FAM227B: variants seen among roughly 807,000 people sequenced by gnomAD.
FAM227B encodes protein FAM227B.
In FAM227B, 88 loss-of-function variants were observed where a neutral mutation model predicts 73.8. The observed-to-expected ratio is 1.19, with a 90% CI of 1.00 to 1.42. FAM227B has a LOEUF of 1.42. Among genes scored for constraint, FAM227B ranks in the 40% most tolerant of loss-of-function variants. The probability of loss-of-function intolerance (pLI) is 0.00; values close to 1 mark genes in which losing one functional copy is unlikely to be tolerated. For missense variants in FAM227B, 632 were observed against 590.9 expected (o/e 1.07, Z -0.72); for synonymous variants, 210 against 190.5 (o/e 1.10, Z -0.84).
intron 3 of FAM227B, among the ~76,000 whole-genome samples, chr15:49,605,816 GC>G (rs2077484568): frequency 6.6e-6 from 1 of 152,098 alleles, no homozygotes; most frequent in Admixed American, 6.6e-5. Flanking sequence ...AATCCAAGGG[GC>G]TGGCATGGAG....
intron 11 of FAM227B, chr15:49,485,826 C>T: frequency 6.6e-6 from 1 of 152,018 alleles, no homozygotes; most frequent in Middle Eastern, 3.4e-3. Context: ...TATTTTAAAA[C>T]TATGTATATT....
intron 11 of FAM227B, among the ~76,000 whole-genome samples, chr15:49,418,093 G>T (rs556525870): frequency 6.6e-6 from 1 of 152,250 alleles, no homozygotes; most frequent in South Asian, 2.1e-4. Context: ...TTAGAGAAAT[G>T]CAAATAAAAA....
intron 9 of FAM227B, among the ~76,000 whole-genome samples, chr15:49,561,324 T>C (rs1002851834): frequency 6.6e-6 from 1 of 152,198 alleles, no homozygotes; most frequent in African/African-American, 2.4e-5. Flanking sequence ...GCCTTAACTT[T>C]CTTAAATATA....
At chr15:49,610,884 G>A (rs2153330775) in intron 3 of FAM227B, among the ~76,000 whole-genome samples, 1 of 152,164 alleles carries the variant, frequency 6.6e-6, no homozygotes, top group East Asian at 1.9e-4. Context: ...CAGGTGTGGT[G>A]CATAAATAAA....
chr15:49,487,143 A>G lies in FAM227B; in HGVS notation c.1012+21068T>C, dbSNP rs933434382. 3.9e-4 allele frequency: 60 copies of G among 152,036 alleles called. 2 individuals are homozygous for G. Among genetic ancestry groups the G allele is most frequent in the Admixed American group, 2.8e-3 (42 of 15,244 alleles). 9.4% of individuals were successfully genotyped at this position (152,036 alleles called of 1,614,324 possible). A position where few individuals can be genotyped will look rare whatever the true frequency, so the allele number is the denominator to read the frequency against. On this transcript the variant is annotated intron_variant, in intron 11 of 15. Transcript: ENST00000299338. ...CAATGCACTTCATACACAATGACTA[A>G]TCTATACTGTGATGATTTGACTCAA...
At chr15:49,344,334 A>AACAT (rs1010966160) in intron 13 of FAM227B, 27 of 152,340 alleles carry the variant, frequency 1.8e-4, no homozygotes, top group African/African-American at 6.3e-4. Flanking sequence ...TTCTTTACCC[A>AACAT]ACATACTATC....
At chr15:49,415,315 C>A (rs536087901) in intron 11 of FAM227B, among the ~76,000 whole-genome samples, 1 of 152,198 alleles carries the variant, frequency 6.6e-6, no homozygotes, top group African/African-American at 2.4e-5. Flanking sequence ...GTCATGATGT[C>A]CTTCTAGGGA....
intron 4 of FAM227B, among the ~76,000 whole-genome samples, chr15:49,588,585 AT>A (rs1270662725): frequency 2.4e-5 from 3 of 125,474 alleles, no homozygotes; most frequent in African/African-American, 6.0e-5. Flanking sequence ...ATATATATAT[AT>A]ATATATATAT....
intron 9 of FAM227B, among the ~76,000 whole-genome samples, chr15:49,551,258 A>C (rs990307848): frequency 6.1e-4 from 45 of 73,574 alleles, no homozygotes; most frequent in Non-Finnish European, 9.8e-4. Flanking sequence ...GCTCAGCATG[A>C]GGGAGAGGGA....
Position 49,450,450 on chromosome 15 carries a change from C to A in FAM227B, c.1012+57761G>T, listed in dbSNP as rs143470122. Among the ~76,000 whole-genome samples the A allele has an allele frequency of 2.8e-3, 427 of 152,050 alleles. 1 individual carries two copies. Among genetic ancestry groups the A allele is most frequent in the Non-Finnish European group, 3.7e-3 (254 of 67,982 alleles). The stretch of plus-strand genomic sequence containing the variant: ...CATCCTGAATGCCATTTTTTAAGCC[C>A]CTCCTCTTAGCCAGCTACACCATTA... On this transcript the variant is annotated intron_variant, in intron 11 of 15. Coordinates refer to ENST00000299338, the MANE Select transcript of FAM227B (RefSeq NM_152647.3).
chr15:49,588,557 A>C (rs1404714360), intron 4 of FAM227B, among the ~76,000 whole-genome samples: 6 of 20,484 alleles, frequency 2.9e-4, no homozygotes, highest in Non-Finnish European at 2.9e-4. Context: ...CTATATATAT[A>C]TATATATATA....
intron 11 of FAM227B, among the ~76,000 whole-genome samples, chr15:49,450,875 T>C (rs2052656129): frequency 6.6e-6 from 1 of 152,162 alleles, no homozygotes; most frequent in South Asian, 2.1e-4. Flanking sequence ...CTTTTCCACA[T>C]GTGGGCTGAA....
At chr15:49,353,195 T>C (rs1296136367) in intron 13 of FAM227B, among the ~76,000 whole-genome samples, 3 of 152,114 alleles carry the variant, frequency 2.0e-5, no homozygotes, top group African/African-American at 7.2e-5. Flanking sequence ...ATTTATTTAG[T>C]CCAATTCATC....
chr15:49,339,517 C>T (rs927823434), intron 13 of FAM227B, among the ~76,000 whole-genome samples: 4 of 152,136 alleles, frequency 2.6e-5, no homozygotes, highest in Admixed American at 1.3e-4. Context: ...GAGGGGCACC[C>T]GCCAGATGCC....
At chr15:49,540,730 C>T (rs1207524639) in intron 10 of FAM227B, among the ~76,000 whole-genome samples, 1 of 152,194 alleles carries the variant, frequency 6.6e-6, no homozygotes, top group Non-Finnish European at 1.5e-5. Context: ...GGGGAAGATA[C>T]AATTCAGTTC....
chr15:49,407,635 A>AAT (rs993033477), intron 11 of FAM227B, among the ~76,000 whole-genome samples: 58 of 148,100 alleles, frequency 3.9e-4, no homozygotes, highest in African/African-American at 1.4e-3. Flanking sequence ...ATATGTATTT[A>AAT]ATATATATAT....
intron 11 of FAM227B, among the ~76,000 whole-genome samples, chr15:49,429,212 A>G (rs988623326): frequency 6.6e-6 from 1 of 151,974 alleles, no homozygotes; most frequent in Non-Finnish European, 1.5e-5. Flanking sequence ...GTCGAACCAA[A>G]ATCCTAGCAA....
intron 13 of FAM227B, chr15:49,365,008 A>G (rs1040644058): frequency 2.6e-5 from 12 of 459,014 alleles, no homozygotes; most frequent in Non-Finnish European, 4.3e-5. Flanking sequence ...ATAAAAATAT[A>G]TATTTGCAAA....
chr15:49,582,364 C>CA (rs1365100505), intron 5 of FAM227B, among the ~76,000 whole-genome samples: 3 of 151,988 alleles, frequency 2.0e-5, no homozygotes, highest in African/African-American at 7.2e-5. Flanking sequence ...TTTAAACCAA[C>CA]AAAAATCAAA....
Sources: gnomAD v4.1 joint callset for allele counts (sites outside exome capture counted in the v4.1 genomes callset) on GRCh38, gnomAD v4.1.1 for gene constraint, MANE v1.5 for transcripts, NCBI Gene and HGNC (gene_info 2026-07-23, HGNC 2026-07-21) for gene names.